Variants in BCAS1 observed in about 807,000 individuals in gnomAD.
BCAS1 encodes breast carcinoma-amplified sequence 1.
BCAS1 carries 46 observed loss-of-function variants against 65.4 expected under a neutral mutation model. The observed-to-expected ratio is 0.70, with a 90% confidence interval of 0.55 to 0.90. BCAS1 has a LOEUF of 0.90. Ranked by LOEUF, BCAS1 falls within the 40% of genes least tolerant of loss-of-function variation. The probability of loss-of-function intolerance (pLI) is 0.00; values close to 1 mark genes in which losing one functional copy is unlikely to be tolerated. For missense variants in BCAS1, 793 were observed against 771.2 expected, an observed-to-expected ratio of 1.03 and a Z score of -0.33; for synonymous variants, 298 against 293.5, an observed-to-expected ratio of 1.02 and a Z score of -0.16.
chr20:53,951,105 A>G (rs1198359742), intron 12 of BCAS1, among the ~76,000 whole-genome samples: 1 of 152,220 alleles, frequency 6.6e-6, no homozygotes, highest in Non-Finnish European at 1.5e-5. Context: ...TATTAAAATA[A>G]TTAGAAGCCA....
In BCAS1 at chr20:54,058,165, G is replaced by T. The variant is rs777283721; in HGVS notation, c.73-11C>A. 1 of 1,613,162 alleles carries T rather than the reference G, an allele frequency of 6.2e-7. No homozygotes were observed. Among genetic ancestry groups the T allele is most frequent in the African/African-American group, 1.3e-5 (1 of 74,906 alleles). ...AGCAGACGCGTTGTCCTGAAACAGA[G>T]CACGTGGCATTGTGAGACAAATCTT... On this transcript the variant is annotated splice_polypyrimidine_tract_variant and intron_variant, in intron 2 of 12. Transcript: ENST00000688948.
chr20:54,041,194 C>T (rs887428426), intron 3 of BCAS1, among the ~76,000 whole-genome samples: 1 of 151,184 alleles, frequency 6.6e-6, no homozygotes, highest in Non-Finnish European at 1.5e-5. Context: ...AAACTCAGCG[C>T]TAAAGGGTAG....
intron 4 of BCAS1, among the ~76,000 whole-genome samples, chr20:54,011,633 T>C (rs1015823357): frequency 1.3e-5 from 2 of 152,224 alleles, no homozygotes; most frequent in African/African-American, 4.8e-5. Context: ...CACTTTACAA[T>C]GTAATCACTT....
rs1299131419 is a variant in BCAS1, at chr20:54,058,685, C to T, written c.34G>A (p.Glu12Lys). The change falls in exon 2 of 13, where the codon GAA (glutamate) becomes AAA (lysine). Residue 12 changes from glutamate (E) to lysine (K), a missense_variant. Physicochemically the swap from Glu to Lys is moderately conservative, Grantham distance 56. Transcript: ENST00000688948. ...GNQMSVPQRV[E>K]DQENEPEAET... The stretch of plus-strand genomic sequence containing the variant: ...GCTTCTGGTTCATTCTCTTGGTCTT[C>T]AACTCTTTGGGGAACACTCATTTGG... 8 of 1,551,310 alleles carry T rather than the reference C, an allele frequency of 5.2e-6. No homozygotes were observed. The Admixed American group carries it at 1.2e-4, about 24-fold the overall frequency.
rs1228383418 is a variant in BCAS1, at chr20:53,985,336, T to C, written c.1226A>G (p.Glu409Gly). Residue 409 changes from glutamate to glycine, a missense_variant, in exon 8 of 13, where the codon GAG becomes GGG. Glu to Gly is a moderately conservative substitution (Grantham distance 98, BLOSUM62 -2). Transcript: ENST00000688948. ...TPEPAKEGTK[E>G]KSGPTSLPLG... is the part of the protein sequence containing the mutation. Reference sequence around the variant, plus strand: ...AGGCAGAGAGGTGGGTCCTGATTTCTCCTTGGTGCCTTCCTTCGCAGGTTC... The same window carrying C: ...AGGCAGAGAGGTGGGTCCTGATTTCCCCTTGGTGCCTTCCTTCGCAGGTTC... 4.3e-6 allele frequency: 7 copies of C among 1,614,018 alleles called. No homozygotes were observed. The highest frequency in any genetic ancestry group is 5.9e-6 in the Non-Finnish European group (7 of 1,179,956).
intron 10 of BCAS1, 127 bp downstream of exon 10, chr20:53,966,779 A>C (rs1296365362): frequency 2.3e-6 from 2 of 868,730 alleles, no homozygotes; most frequent in African/African-American, 3.4e-5. Context: ...TATGCAATCC[A>C]TATTCCATTC....
intron 3 of BCAS1, among the ~76,000 whole-genome samples, chr20:54,047,035 A>AT (rs2146253406): frequency 6.6e-6 from 1 of 152,176 alleles, no homozygotes; most frequent in African/African-American, 2.4e-5. Context: ...TACGGCATCT[A>AT]TTAGCTGAAA....
chr20:53,962,654 ATAT>A (rs2089912445), intron 10 of BCAS1, among the ~76,000 whole-genome samples: 1 of 130,892 alleles, frequency 7.6e-6, no homozygotes, highest in Non-Finnish European at 1.6e-5. Flanking sequence ...AGCTGAATTA[ATAT>A]GTATAAGAAT....
chr20:53,970,344 C>A (rs1020724696), intron 9 of BCAS1, among the ~76,000 whole-genome samples: 1 of 152,160 alleles, frequency 6.6e-6, no homozygotes, highest in Non-Finnish European at 1.5e-5. Context: ...AAGAAGCTGG[C>A]TTTTAGTAGC....
chr20:54,039,547 C>T (rs966273486), intron 3 of BCAS1, among the ~76,000 whole-genome samples: 1 of 151,326 alleles, frequency 6.6e-6, no homozygotes, highest in African/African-American at 2.4e-5. Flanking sequence ...GATTTCCACT[C>T]TTCTCTTTAA....
At chr20:53,971,448 A>G (rs956693828) in intron 9 of BCAS1, among the ~76,000 whole-genome samples, 1 of 152,252 alleles carries the variant, frequency 6.6e-6, no homozygotes, top group Non-Finnish European at 1.5e-5. Context: ...AAGCACTGTA[A>G]TTTGGGACCT....
chr20:53,996,261 G>T (rs1279596154), intron 4 of BCAS1, among the ~76,000 whole-genome samples: 1 of 152,046 alleles, frequency 6.6e-6, no homozygotes, highest in East Asian at 1.9e-4. Context: ...TTGGTTGGAG[G>T]GACATTGTTT....
chr20:54,051,984 C>T (rs1313631771), intron 3 of BCAS1, among the ~76,000 whole-genome samples: 2 of 152,184 alleles, frequency 1.3e-5, no homozygotes, highest in Non-Finnish European at 2.9e-5. Flanking sequence ...GGTGATCCAC[C>T]TGTCTCGGCC....
intron 1 of BCAS1, among the ~76,000 whole-genome samples, chr20:54,065,414 G>A (rs189303949): frequency 1.3e-5 from 2 of 152,178 alleles, no homozygotes; most frequent in Non-Finnish European, 2.9e-5. Flanking sequence ...TTTTGGCCCC[G>A]AAGGGGCATT....
At position 54,024,727 on chromosome 20, in the gene BCAS1, G is replaced by A. The variant is rs567823199; in HGVS notation, c.723+3665C>T. Among the ~76,000 whole-genome samples, 3 of 152,276 alleles carry A rather than the reference G, an allele frequency of 2.0e-5. No homozygotes were observed. In the South Asian group the frequency reaches 6.2e-4, roughly 32 times the overall value. ...GGAAGGATGTTGTTTCAAACAGCAAGGTGTGGCCCACTCAGTCACTGTGTC... is the reference window on the plus strand; with the variant it reads ...GGAAGGATGTTGTTTCAAACAGCAAAGTGTGGCCCACTCAGTCACTGTGTC... On this transcript the variant is annotated intron_variant, in intron 4 of 12. Transcript: ENST00000688948.
In BCAS1 at chr20:54,010,653, T is replaced by C. The variant is rs1317357929; in HGVS notation, c.724-14603A>G. On this transcript the variant is annotated intron_variant, in intron 4 of 12. Coordinates refer to ENST00000688948, the MANE Select transcript of BCAS1 (RefSeq NM_001366298.2). ...GATTGGAAGACTCACATAGTAAAGA[T>C]GTCAATCTGCCCCAAATTGATATAC... Among the ~76,000 whole-genome samples the C allele has an allele frequency of 2.6e-5, 4 of 152,180 alleles. No homozygotes were observed. In the East Asian group the frequency reaches 7.7e-4, roughly 29 times the overall value.
At chr20:54,031,132 C>A (rs1474735861) in intron 3 of BCAS1, among the ~76,000 whole-genome samples, 1 of 151,490 alleles carries the variant, frequency 6.6e-6, no homozygotes, top group African/African-American at 2.4e-5. Flanking sequence ...TCCTTACCCA[C>A]TGGCTGGAAA....
chr20:54,041,942 A>G (rs1324643115), intron 3 of BCAS1, among the ~76,000 whole-genome samples: 1 of 150,678 alleles, frequency 6.6e-6, no homozygotes, highest in African/African-American at 2.4e-5. Flanking sequence ...GAACAGCCAT[A>G]TAGATCGTCG....
intron 1 of BCAS1, among the ~76,000 whole-genome samples, chr20:54,064,986 G>A (rs934048293): frequency 5.3e-5 from 8 of 152,124 alleles, no homozygotes; most frequent in Non-Finnish European, 1.2e-4. Flanking sequence ...GTGCGAAGGG[G>A]TAAATGTGAT....
Sources: allele counts gnomAD v4.1 joint callset (sites outside exome capture counted in the v4.1 genomes callset), GRCh38; gene constraint gnomAD v4.1.1; transcripts MANE v1.5; gene names NCBI Gene and HGNC (gene_info 2026-07-23, HGNC 2026-07-21).